The following NRG1 variants were observed in gnomAD, a reference collection of about 807,000 sequenced individuals.
NRG1 encodes the protein neuregulin 1.
In NRG1, 18 loss-of-function variants were observed where a neutral mutation model predicts 63.8. The ratio of observed to expected loss-of-function variants is 0.28; its 90% CI spans 0.19 to 0.42. NRG1 has a LOEUF of 0.42. NRG1 is among the 10% of genes least tolerant of loss of function. NRG1 has a pLI of 1.00. For missense variants in NRG1, 762 were observed against 814.7 expected (o/e 0.94, Z 0.79); for synonymous variants, 302 against 301.3 (o/e 1.00, Z -0.02).
Position 31,692,413 on chromosome 8 carries a change from G to A in NRG1, c.37+52982G>A, listed in dbSNP as rs544218877. 5.9e-5 allele frequency among the ~76,000 whole-genome samples: 9 copies of A among 152,296 alleles called. No individual in the cohort carries two copies. In the South Asian group the frequency reaches 1.9e-3, roughly 32 times the overall value. The stretch of plus-strand genomic sequence containing the variant: ...TGTATCTTGCTATAGTATAAAAGAA[G>A]TAGACATTTTCCTTAAGAACTTTAT... On this transcript the variant is annotated intron_variant, in intron 1 of 10. Coordinates refer to the NRG1 transcript ENST00000519301.
intron 1 of NRG1, among the ~76,000 whole-genome samples, chr8:32,550,646 G>A (rs1470860463): frequency 6.6e-6 from 1 of 152,168 alleles, no homozygotes; most frequent in African/African-American, 2.4e-5. Context: ...TGGGGGAGGG[G>A]CAGGCATTTC....
At chr8:31,913,444 G>A (rs761436462) in intron 1 of NRG1, among the ~76,000 whole-genome samples, 22 of 152,220 alleles carry the variant, frequency 1.4e-4, no homozygotes, top group Non-Finnish European at 1.6e-4. Context: ...TTTCAAATGA[G>A]GAGATTGCTT....
chr8:32,387,724 GAA>G (rs5890644), intron 1 of NRG1, among the ~76,000 whole-genome samples: 310 of 146,784 alleles, frequency 2.1e-3, no homozygotes, highest in African/African-American at 6.7e-3. Context: ...TGATGAAAAA[GAA>G]AAAAAAAAAA....
intron 1 of NRG1, among the ~76,000 whole-genome samples, chr8:31,936,673 G>C (rs1316239216): frequency 6.6e-6 from 1 of 152,274 alleles, no homozygotes; most frequent in East Asian, 1.9e-4. Context: ...CAAATTTGAG[G>C]CCTGAGTAAT....
intron 5 of NRG1, among the ~76,000 whole-genome samples, chr8:32,626,104 C>A (rs1849221110): frequency 6.6e-6 from 1 of 151,842 alleles, no homozygotes; most frequent in African/African-American, 2.4e-5. Flanking sequence ...AAAACTTTCC[C>A]TCTCTTTAAT....
chr8:31,921,221 A>G (rs1374530186), intron 1 of NRG1, among the ~76,000 whole-genome samples: 2 of 152,076 alleles, frequency 1.3e-5, no homozygotes, highest in African/African-American at 2.4e-5. Flanking sequence ...AAATCTCGGT[A>G]TTTCCTGAAA....
chr8:32,583,609 T>G (rs1841090831), intron 1 of NRG1, among the ~76,000 whole-genome samples: 1 of 152,180 alleles, frequency 6.6e-6, no homozygotes, highest in Admixed American at 6.5e-5. Context: ...TGGTTGGTAC[T>G]GATCATGTTA....
chr8:32,365,236 T>A (rs189761494), intron 1 of NRG1, among the ~76,000 whole-genome samples: 15 of 152,320 alleles, frequency 9.8e-5, no homozygotes, highest in African/African-American at 3.6e-4. Context: ...TGGTTCATGT[T>A]CTATTTGATA....
At chr8:31,791,664 T>G (rs897770059) in intron 1 of NRG1, among the ~76,000 whole-genome samples, 1 of 152,136 alleles carries the variant, frequency 6.6e-6, no homozygotes, top group Admixed American at 6.6e-5. Flanking sequence ...TCTTGAGCTG[T>G]TTTTCATTTC....
intron 5 of NRG1, among the ~76,000 whole-genome samples, chr8:32,631,640 A>G (rs1204584178): frequency 6.6e-6 from 1 of 152,214 alleles, no homozygotes; most frequent in Non-Finnish European, 1.5e-5. Context: ...TTAGAACCTG[A>G]GTCCATGACA....
chr8:32,143,324 CAA>C (rs772522620), intron 1 of NRG1, among the ~76,000 whole-genome samples: 4 of 152,018 alleles, frequency 2.6e-5, no homozygotes, highest in Non-Finnish European at 4.4e-5. Flanking sequence ...ATGAAAAAAT[CAA>C]AGTCAATTAG....
intron 7 of NRG1, among the ~76,000 whole-genome samples, chr8:32,747,686 C>T (rs1827709544): frequency 6.8e-6 from 1 of 147,140 alleles, no homozygotes; most frequent in Admixed American, 6.8e-5. Context: ...CCTTGTTATG[C>T]AATGTACTTT....
chr8:32,117,727 C>T (rs1476945404), intron 1 of NRG1, among the ~76,000 whole-genome samples: 3 of 152,122 alleles, frequency 2.0e-5, no homozygotes, highest in African/African-American at 7.2e-5. Flanking sequence ...TCAAATGCCA[C>T]ACACATATGT....
intron 1 of NRG1, among the ~76,000 whole-genome samples, chr8:32,245,459 G>A (rs1848510256): frequency 6.6e-6 from 1 of 152,004 alleles, no homozygotes; most frequent in East Asian, 1.9e-4. Context: ...CACAAAGGAG[G>A]GGAAGTCATT....
chr8:32,667,240 G>A (rs1804430555), intron 5 of NRG1, among the ~76,000 whole-genome samples: 1 of 152,104 alleles, frequency 6.6e-6, no homozygotes, highest in South Asian at 2.1e-4. Context: ...CAGAGAAAAG[G>A]TACAGTAAAA....
chr8:32,648,324 C>G, intron 5 of NRG1: 1 of 1,614,088 alleles, frequency 6.2e-7, no homozygotes, highest in African/African-American at 1.3e-5. Flanking sequence ...GGTGAGAACG[C>G]CCAAGTCAGC....
intron 1 of NRG1, among the ~76,000 whole-genome samples, chr8:31,652,648 C>T (rs1159523726): frequency 6.6e-6 from 1 of 152,194 alleles, no homozygotes; most frequent in Non-Finnish European, 1.5e-5. Flanking sequence ...GTTTGTTGTA[C>T]TGTCACTACC....
chr8:32,080,578 C>T (rs1355601796), intron 1 of NRG1, among the ~76,000 whole-genome samples: 1 of 152,114 alleles, frequency 6.6e-6, no homozygotes, highest in Non-Finnish European at 1.5e-5. Context: ...AAGAGAGGCT[C>T]CTTCCACTCT....
At chr8:31,865,059 G>A (rs971613610) in intron 1 of NRG1, among the ~76,000 whole-genome samples, 2 of 152,112 alleles carry the variant, frequency 1.3e-5, no homozygotes, top group Non-Finnish European at 2.9e-5. Flanking sequence ...AGAGGCTAAC[G>A]AACGCTCCTT....
Sources: gnomAD v4.1 joint callset for allele counts (sites outside exome capture counted in the v4.1 genomes callset) on GRCh38, gnomAD v4.1.1 for gene constraint, MANE v1.5 for transcripts, NCBI Gene and HGNC (gene_info 2026-07-23, HGNC 2026-07-21) for gene names.